The following LRMDA variants were observed in gnomAD, a reference collection of about 807,000 sequenced individuals.
LRMDA encodes the protein leucine rich melanocyte differentiation associated.
In LRMDA, 18 loss-of-function variants were observed where a neutral mutation model predicts 29.8. The observed-to-expected ratio is 0.60, with a 90% CI of 0.42 to 0.90. The LOEUF (loss-of-function observed/expected upper bound fraction) is 0.90, where lower values mean the gene tolerates loss of function less well. LRMDA is among the 40% of genes least tolerant of loss of function. LRMDA has a pLI of 0.00. For synonymous variants in LRMDA, 125 were observed against 109.4 expected (o/e 1.14, Z -0.89); for missense variants, 273 against 273.9 (o/e 1.00, Z 0.02).
intron 5 of LRMDA, among the ~76,000 whole-genome samples, chr10:76,079,425 G>A (rs1053501793): frequency 3.3e-5 from 5 of 152,242 alleles, no homozygotes; most frequent in African/African-American, 1.2e-4. Context: ...GCTCCTCAGG[G>A]AAAACACAGC....
Position 75,976,253 on chromosome 10 carries a change from G to A in LRMDA, c.132-59755G>A, listed in dbSNP as rs991305642. 3.9e-5 allele frequency among the ~76,000 whole-genome samples: 6 copies of A among 152,322 alleles called. No individual in the cohort carries two copies. In the South Asian group the frequency reaches 6.2e-4, roughly 16 times the overall value. Reference sequence around the variant, plus strand: ...TCAAAAAGAACAAACCTATTCATTCGTTCATTCATCTTAGAATCTTTAACA... The same window carrying A: ...TCAAAAAGAACAAACCTATTCATTCATTCATTCATCTTAGAATCTTTAACA... On this transcript the variant is annotated intron_variant, in intron 2 of 6. Coordinates refer to ENST00000611255, the MANE Select transcript of LRMDA (RefSeq NM_001305581.2).
intron 5 of LRMDA, among the ~76,000 whole-genome samples, chr10:76,309,403 C>T (rs559368205): frequency 5.3e-5 from 8 of 152,128 alleles, no homozygotes; most frequent in African/African-American, 1.4e-4. Context: ...AGCAGGATTA[C>T]GAGGAGGGCT....
At chr10:76,068,956 C>G (rs1056017234) in intron 5 of LRMDA, among the ~76,000 whole-genome samples, 3 of 152,192 alleles carry the variant, frequency 2.0e-5, no homozygotes, top group African/African-American at 7.2e-5. Context: ...GAAATTATCT[C>G]TGCCCTTTAT....
chr10:75,608,363 G>A (rs1840985566), intron 2 of LRMDA, among the ~76,000 whole-genome samples: 1 of 151,792 alleles, frequency 6.6e-6, no homozygotes, highest in Non-Finnish European at 1.5e-5. Context: ...TGGTCAAAGG[G>A]TACAAAGTTT....
intron 5 of LRMDA, among the ~76,000 whole-genome samples, chr10:76,323,680 G>A (rs1462353321): frequency 6.6e-6 from 1 of 152,156 alleles, no homozygotes; most frequent in Non-Finnish European, 1.5e-5. Flanking sequence ...GTTCTGAAAA[G>A]AGAGCCTTAG....
chr10:75,921,287 T>C (rs995817243), intron 2 of LRMDA, among the ~76,000 whole-genome samples: 2 of 152,326 alleles, frequency 1.3e-5, no homozygotes, highest in Admixed American at 6.5e-5. Flanking sequence ...GTGGAATATA[T>C]GGTACTTACC....
chr10:75,654,505 T>C (rs1042188942), intron 2 of LRMDA, among the ~76,000 whole-genome samples: 1 of 152,180 alleles, frequency 6.6e-6, no homozygotes, highest in South Asian at 2.1e-4. Flanking sequence ...AAGTTCTGAG[T>C]CATTTCCCTT....
intron 6 of LRMDA, among the ~76,000 whole-genome samples, chr10:76,454,515 A>C (rs1842437781): frequency 6.6e-6 from 1 of 151,972 alleles, no homozygotes; most frequent in African/African-American, 2.4e-5. Context: ...CATTCTTAAA[A>C]CCCACATGTT....
chr10:75,606,021 C>G (rs1351746477), intron 2 of LRMDA, among the ~76,000 whole-genome samples: 1 of 151,720 alleles, frequency 6.6e-6, no homozygotes, highest in Non-Finnish European at 1.5e-5. Context: ...CCATGCTCAG[C>G]TAATTTTTGT....
chr10:76,017,212 C>T (rs1847893243), intron 2 of LRMDA, among the ~76,000 whole-genome samples: 1 of 152,172 alleles, frequency 6.6e-6, no homozygotes, highest in Admixed American at 6.5e-5. Context: ...TGGAGCAGAT[C>T]CCGCGCGAAG....
rs560407507 is a variant in LRMDA at position 75,502,199 on chromosome 10, T to C, written c.131+63705T>C. ...ACACCTCATTTTCTTTCACATTTCA[T>C]TGGTAAGCCTGTTCCTGAAAGGAGG... On this transcript the variant is annotated intron_variant, in intron 2 of 6. Coordinates refer to ENST00000611255, the MANE Select transcript of LRMDA (RefSeq NM_001305581.2). Among the ~76,000 whole-genome samples the C allele has an allele frequency of 3.5e-4, 53 of 152,308 alleles. 1 individual carries two copies. Among genetic ancestry groups the C allele is most frequent in the African/African-American group, 1.1e-3 (47 of 41,570 alleles).
chr10:75,758,614 T>C (rs1218315494), intron 2 of LRMDA, among the ~76,000 whole-genome samples: 2 of 152,232 alleles, frequency 1.3e-5, no homozygotes, highest in Admixed American at 1.3e-4. Flanking sequence ...ACCCCTCATG[T>C]GTTTGTGGAG....
intron 6 of LRMDA, among the ~76,000 whole-genome samples, chr10:76,478,779 C>T (rs552848753): frequency 2.4e-4 from 36 of 151,826 alleles, no homozygotes; most frequent in Admixed American, 7.2e-4. Flanking sequence ...CCGTCATTCT[C>T]AGCAAACTAT....
At chr10:75,900,732 G>A (rs1845656093) in intron 2 of LRMDA, among the ~76,000 whole-genome samples, 1 of 152,072 alleles carries the variant, frequency 6.6e-6, no homozygotes, top group South Asian at 2.1e-4. Flanking sequence ...TCTGAATCTT[G>A]ATTGGAATTT....
At chr10:76,492,003 A>G (rs537024210) in intron 6 of LRMDA, among the ~76,000 whole-genome samples, 3 of 151,940 alleles carry the variant, frequency 2.0e-5, no homozygotes, top group Non-Finnish European at 1.5e-5. Flanking sequence ...CCTTATGTCA[A>G]TTGCATTTTT....
chr10:76,363,176 A>AGAAAGAAAGAAAGAAAGAAAGAG (rs1459442138), intron 6 of LRMDA, among the ~76,000 whole-genome samples: 4 of 21,794 alleles, frequency 1.8e-4, no homozygotes, highest in East Asian at 1.8e-3. Context: ...AAAGAAAGAA[A>AGAAAGAAAGAAAGAAAGAAAGAG]GGAGGGAGGG....
At chr10:75,896,841 TTGTGTG>T (rs35428137) in intron 2 of LRMDA, among the ~76,000 whole-genome samples, 30 of 147,442 alleles carry the variant, frequency 2.0e-4, no homozygotes, top group Non-Finnish European at 2.8e-4. Context: ...GAGTGTGCAT[TTGTGTG>T]TGTGTGTGTG....
At chr10:75,498,985 A>G (rs1288156370) in intron 2 of LRMDA, among the ~76,000 whole-genome samples, 1 of 152,032 alleles carries the variant, frequency 6.6e-6, no homozygotes, top group East Asian at 1.9e-4. Flanking sequence ...TTGAGTGCCT[A>G]CTGTGTGCAG....
intron 5 of LRMDA, among the ~76,000 whole-genome samples, chr10:76,130,086 C>T (rs760537041): frequency 4.2e-4 from 63 of 149,454 alleles, no homozygotes; most frequent in Non-Finnish European, 9.0e-4. Flanking sequence ...AATATAATAT[C>T]TGAACACCAG....
Sources: allele counts gnomAD v4.1 joint callset (sites outside exome capture counted in the v4.1 genomes callset), GRCh38; gene constraint gnomAD v4.1.1; transcripts MANE v1.5; gene names NCBI Gene and HGNC (gene_info 2026-07-23, HGNC 2026-07-21).